Variants in TRAPPC9 observed in about 807,000 individuals in gnomAD.
The protein encoded by TRAPPC9 is IKK2 binding protein.
In TRAPPC9, 83 loss-of-function variants were observed where a neutral mutation model predicts 124.0. The observed-to-expected ratio is 0.67, with a 90% CI of 0.56 to 0.80. The LOEUF (loss-of-function observed/expected upper bound fraction) is 0.80, where lower values mean the gene tolerates loss of function less well. TRAPPC9 is among the 30% of genes least tolerant of loss of function. The probability of loss-of-function intolerance (pLI) is 0.00; values close to 1 mark genes in which losing one functional copy is unlikely to be tolerated. For missense variants in TRAPPC9, 1,302 were observed against 1,508.3 expected (o/e 0.86, Z 2.27); for synonymous variants, 638 against 617.5 (o/e 1.03, Z -0.49).
intron 20 of TRAPPC9, among the ~76,000 whole-genome samples, chr8:139,888,624 C>T (rs1830157310): frequency 6.6e-6 from 1 of 152,206 alleles, no homozygotes; most frequent in African/African-American, 2.4e-5. Context: ...TACTCTCGCG[C>T]AAGCAATTTA....
chr8:139,901,832 C>T (rs556234400), intron 20 of TRAPPC9, among the ~76,000 whole-genome samples: 4 of 152,296 alleles, frequency 2.6e-5, no homozygotes, highest in South Asian at 2.1e-4. Context: ...CTACAGCAAG[C>T]GAGGTGACCT....
intron 20 of TRAPPC9, among the ~76,000 whole-genome samples, chr8:139,900,453 C>T (rs780194571): frequency 2.6e-5 from 4 of 152,204 alleles, no homozygotes; most frequent in African/African-American, 7.2e-5. Context: ...ATTCAGAGAC[C>T]AAGTTGGGGG....
chr8:139,756,390 GGTTGGGGTATAAGGA>G (rs1819779863), intron 21 of TRAPPC9, among the ~76,000 whole-genome samples: 1 of 135,820 alleles, frequency 7.4e-6, no homozygotes, highest in Non-Finnish European at 1.6e-5. Context: ...GAGGAGCCAG[GGTTGGGGTATAAGGA>G]CAGCAGATCA....
At chr8:140,127,858 A>G (rs998265308) in intron 17 of TRAPPC9, among the ~76,000 whole-genome samples, 1 of 152,242 alleles carries the variant, frequency 6.6e-6, no homozygotes, top group Non-Finnish European at 1.5e-5. Flanking sequence ...CTTGCCAAAA[A>G]TGAGTCCCCA....
At chr8:140,165,971 C>CGATGT (rs2061830402) in intron 17 of TRAPPC9, among the ~76,000 whole-genome samples, 1 of 152,168 alleles carries the variant, frequency 6.6e-6, no homozygotes, top group Admixed American at 6.5e-5. Context: ...CTGCCTCCCT[C>CGATGT]GATGTCTGGA....
rs1817667293 is a variant in TRAPPC9, at chr8:139,728,631, T to C, written c.*2430A>G. ...ATCCCACGGTAAAGCTCCAAACGCT[T>C]GGAGCACACACAAGGCCTGACTCCA... On this transcript the variant is annotated 3_prime_UTR_variant, in exon 23 of 23. Coordinates refer to ENST00000438773, the MANE Select transcript of TRAPPC9 (RefSeq NM_001160372.4). Among the ~76,000 whole-genome samples, 1 of 152,270 alleles carries C rather than the reference T, an allele frequency of 6.6e-6. No homozygotes were observed. Among genetic ancestry groups the C allele is most frequent in the East Asian group, 1.9e-4 (1 of 5,176 alleles).
intron 17 of TRAPPC9, among the ~76,000 whole-genome samples, chr8:140,142,837 C>A (rs1018050130): frequency 2.0e-5 from 3 of 152,102 alleles, no homozygotes; most frequent in African/African-American, 7.2e-5. Context: ...AATGAAATGC[C>A]AAATGTAGAG....
chr8:140,187,737 C>T (rs1587882532), intron 17 of TRAPPC9, among the ~76,000 whole-genome samples: 1 of 152,194 alleles, frequency 6.6e-6, no homozygotes. Flanking sequence ...TACAGTGGCT[C>T]GATCACAGCT....
At chr8:140,027,908 A>T (rs1038653503) in intron 17 of TRAPPC9, among the ~76,000 whole-genome samples, 2 of 151,980 alleles carry the variant, frequency 1.3e-5, no homozygotes, top group Non-Finnish European at 2.9e-5. Context: ...AGCATGGGGG[A>T]CACCACCCCC....
At chr8:140,331,877 G>C (rs1266861008) in intron 9 of TRAPPC9, among the ~76,000 whole-genome samples, 6 of 152,138 alleles carry the variant, frequency 3.9e-5, no homozygotes, top group African/African-American at 1.2e-4. Context: ...CTGTTGATAG[G>C]AATGTAAATT....
chr8:139,939,913 G>A (rs577137524), intron 19 of TRAPPC9, among the ~76,000 whole-genome samples: 2 of 152,378 alleles, frequency 1.3e-5, no homozygotes, highest in African/African-American at 4.8e-5. Context: ...TGGCAGCCAG[G>A]CCACAGCATG....
intron 18 of TRAPPC9, among the ~76,000 whole-genome samples, chr8:140,009,924 C>T (rs1839013529): frequency 6.6e-6 from 1 of 152,078 alleles, no homozygotes; most frequent in Admixed American, 6.5e-5. Context: ...AGTATTAGTT[C>T]CAAGGAGGGA....
chr8:140,175,837 A>G (rs1450835473), intron 17 of TRAPPC9, among the ~76,000 whole-genome samples: 3 of 152,274 alleles, frequency 2.0e-5, no homozygotes, highest in Non-Finnish European at 4.4e-5. Context: ...GATCAGAAAT[A>G]ATAAATGCAA....
At chr8:140,384,789 G>T (rs371447169) in intron 7 of TRAPPC9, among the ~76,000 whole-genome samples, 5,167 of 152,204 alleles carry the variant, frequency 0.034, 187 homozygotes, top group African/African-American at 0.091. Context: ...GGATAACCAG[G>T]AATTGAACTC....
chr8:139,893,579 CATGGATTAAATA>C (rs1830481899), intron 20 of TRAPPC9, among the ~76,000 whole-genome samples: 1 of 152,240 alleles, frequency 6.6e-6, no homozygotes, highest in Non-Finnish European at 1.5e-5. Context: ...GCTCCATAAA[CATGGATTAAATA>C]ATGTAATGAA....
At chr8:139,781,654 T>C (rs961746733) in intron 21 of TRAPPC9, among the ~76,000 whole-genome samples, 1 of 152,220 alleles carries the variant, frequency 6.6e-6, no homozygotes, top group Admixed American at 6.5e-5. Context: ...TGTAGGTTCA[T>C]TGATTATAAC....
intron 17 of TRAPPC9, among the ~76,000 whole-genome samples, chr8:140,125,326 A>G (rs935048531): frequency 6.6e-6 from 1 of 152,238 alleles, no homozygotes; most frequent in African/African-American, 2.4e-5. Context: ...AGTGCTGCTC[A>G]GCAGACGGCT....
chr8:140,216,488 T>A lies in TRAPPC9; in HGVS notation c.2556+4971A>T, dbSNP rs2063198090. Among the ~76,000 whole-genome samples the A allele has an allele frequency of 1.3e-5, 2 of 152,182 alleles. No individual in the cohort carries two copies. The highest frequency in any genetic ancestry group is 4.8e-5 in the African/African-American group (2 of 41,460). On this transcript the variant is annotated intron_variant, in intron 17 of 22. Coordinates refer to ENST00000438773, the MANE Select transcript of TRAPPC9 (RefSeq NM_001160372.4). The surrounding 1 kb of genome is among the most constrained non-coding windows in gnomAD (Gnocchi z 4.1). ...CCTGTGAGACACAGAAAAAATCCTCTTCTTGTCTAACAGAGTACCTCAAAT... is the reference window on the plus strand; with the variant it reads ...CCTGTGAGACACAGAAAAAATCCTCATCTTGTCTAACAGAGTACCTCAAAT...
At chr8:140,295,260 T>C (rs904050742) in intron 11 of TRAPPC9, among the ~76,000 whole-genome samples, 2 of 152,242 alleles carry the variant, frequency 1.3e-5, no homozygotes, top group Non-Finnish European at 2.9e-5. Flanking sequence ...TGTTACTGAA[T>C]GGCTGCCAGG....
Sources: gnomAD v4.1 joint callset for allele counts (sites outside exome capture counted in the v4.1 genomes callset) on GRCh38, gnomAD v4.1.1 for gene constraint, Gnocchi (gnomAD v3.1) non-coding constraint, MANE v1.5 for transcripts, NCBI Gene and HGNC (gene_info 2026-07-23, HGNC 2026-07-21) for gene names.